The following REG4 variants were observed in gnomAD, a reference collection of about 807,000 sequenced individuals.
REG4 encodes regenerating islet-derived protein 4.
Under a neutral mutation model 22.3 loss-of-function variants are expected in REG4, and 16 were observed. That is an observed-to-expected ratio of 0.72 (90% CI 0.49 to 1.09). The LOEUF (loss-of-function observed/expected upper bound fraction) is 1.09. Ranked by LOEUF, REG4 falls within the 50% of genes least tolerant of loss-of-function variation. REG4 has a pLI of 0.00. For synonymous variants in REG4, 71 were observed against 69.2 expected (o/e 1.03, Z -0.13); for missense variants, 214 against 193.9 (o/e 1.10, Z -0.61).
At chr1:119,805,884 T>C (rs932331345) in intron 2 of REG4, among the ~76,000 whole-genome samples, 1 of 152,054 alleles carries the variant, frequency 6.6e-6, no homozygotes, top group Non-Finnish European at 1.5e-5. Flanking sequence ...CGTGAGCTCC[T>C]TGGTGGAGAC....
rs749947655 is a variant in REG4 at position 119,799,795 on chromosome 1, G to A, written c.233C>T (p.Thr78Ile). ...ASILSLKEAS[T>I]IAEYISGYQR... ...ATAGCCACTTATGTACTCTGCTATG[G>A]TGCTGGCTTCCTTTAAACTCAGGAT... The change falls in exon 4 of 6, where the codon ACC (threonine) becomes ATC (isoleucine). Residue 78 changes from threonine to isoleucine, a missense_variant. Thr to Ile is a moderately conservative substitution (Grantham distance 89). Transcript: ENST00000256585. 2 of 1,614,040 alleles carry A rather than the reference G, an allele frequency of 1.2e-6. No homozygotes were observed. The highest frequency in any genetic ancestry group is 3.3e-5 in the Admixed American group (2 of 60,010).
intron 5 of REG4, among the ~76,000 whole-genome samples, chr1:119,797,516 G>C (rs968684302): frequency 6.6e-6 from 1 of 152,158 alleles, no homozygotes; most frequent in Non-Finnish European, 1.5e-5. Context: ...CCCTACCCCA[G>C]CCCAATAGCT....
chr1:119,795,281 A>C (rs868261803), intron 5 of REG4, among the ~76,000 whole-genome samples: 7 of 152,192 alleles, frequency 4.6e-5, no homozygotes, highest in Admixed American at 1.3e-4. Context: ...GGTTGACATG[A>C]ATCAACTGAG....
chr1:119,802,762 T>G, intron 3 of REG4: 1 of 1,450,422 alleles, frequency 6.9e-7, no homozygotes, highest in Non-Finnish European at 9.1e-7. Flanking sequence ...CTTCTCTTCC[T>G]CCTTTGATTG....
intron 2 of REG4, among the ~76,000 whole-genome samples, chr1:119,807,103 C>G (rs1195755720): frequency 6.6e-6 from 1 of 152,222 alleles, no homozygotes; most frequent in Non-Finnish European, 1.5e-5. Context: ...TGCTCTATGT[C>G]TCTCCACTCA....
At chr1:119,804,292 C>T (rs935562399) in intron 2 of REG4, among the ~76,000 whole-genome samples, 2 of 152,218 alleles carry the variant, frequency 1.3e-5, no homozygotes, top group Non-Finnish European at 2.9e-5. Flanking sequence ...TCAGCCCCTG[C>T]CTATGCATCT....
At position 119,798,641 on chromosome 1, in the gene REG4, A is replaced by C. The variant is rs587759349; in HGVS notation, c.304-39T>G. 2.9e-5 allele frequency: 45 copies of C among 1,538,946 alleles called. No homozygotes were observed. In the East Asian group the frequency reaches 3.1e-4, roughly 11 times the overall value. ...AGATGGAGAAGTGTACAGCTCAGCAACCCACCTGCCACAGCCAAGGAAGTC... is the reference window on the plus strand; with the variant it reads ...AGATGGAGAAGTGTACAGCTCAGCACCCCACCTGCCACAGCCAAGGAAGTC... On this transcript the variant is annotated intron_variant, in intron 4 of 5. Coordinates refer to ENST00000256585, the MANE Select transcript of REG4 (RefSeq NM_032044.4).
intron 2 of REG4, 99 bp from the exon 3 acceptor site, chr1:119,803,264 A>T: frequency 1.5e-6 from 2 of 1,292,320 alleles, no homozygotes; most frequent in South Asian, 3.5e-5. Flanking sequence ...GAATGAAGAG[A>T]GTCCCTTCAT....
intron 2 of REG4, among the ~76,000 whole-genome samples, chr1:119,803,764 A>G (rs1316410492): frequency 1.3e-5 from 2 of 152,144 alleles, no homozygotes; most frequent in Non-Finnish European, 2.9e-5. Context: ...GGCTTGGGAG[A>G]CAAGGGAAGG....
chr1:119,797,353 C>T (rs1252086020), intron 5 of REG4, among the ~76,000 whole-genome samples: 1 of 152,226 alleles, frequency 6.6e-6, no homozygotes, highest in Non-Finnish European at 1.5e-5. Context: ...GGCTGTTTAT[C>T]TCTGAGGGCT....
intron 3 of REG4, 25 bp downstream of exon 3, chr1:119,803,043 G>A: frequency 6.2e-7 from 1 of 1,610,418 alleles, no homozygotes; most frequent in Non-Finnish European, 8.5e-7. Context: ...GAAAGGCCAG[G>A]CCAAGCAGGC....
intron 3 of REG4, among the ~76,000 whole-genome samples, chr1:119,800,672 G>C (rs1210393348): frequency 6.6e-6 from 1 of 152,142 alleles, no homozygotes; most frequent in South Asian, 2.1e-4. Context: ...GTAAACAGTG[G>C]TCTGTAACTT....
intron 2 of REG4, among the ~76,000 whole-genome samples, chr1:119,808,104 C>T (rs1036055213): frequency 6.6e-6 from 1 of 152,248 alleles, no homozygotes; most frequent in South Asian, 2.1e-4. Flanking sequence ...AAAGACATTA[C>T]ACCAGATGAG....
At chr1:119,804,690 GC>G (rs1163107561) in intron 2 of REG4, among the ~76,000 whole-genome samples, 1 of 152,156 alleles carries the variant, frequency 6.6e-6, no homozygotes, top group Non-Finnish European at 1.5e-5. Flanking sequence ...ACTGTCACTA[GC>G]TTTTGTAAAT....
chr1:119,798,191 T>C (rs1653987359), intron 5 of REG4, among the ~76,000 whole-genome samples: 1 of 152,204 alleles, frequency 6.6e-6, no homozygotes, highest in Admixed American at 6.5e-5. Context: ...TATATATCCC[T>C]CTCATGGTAT....
rs587719394 is a variant in REG4, at chr1:119,797,423, C to T, written c.409+1074G>A. Reference sequence around the variant, plus strand: ...GCCTCATGCTGTTAGAAAGTTTTCTCACTCTCTCTTTCCTTCTTATAAGTT... The same window carrying T: ...GCCTCATGCTGTTAGAAAGTTTTCTTACTCTCTCTTTCCTTCTTATAAGTT... On this transcript the variant is annotated intron_variant, in intron 5 of 5. Coordinates refer to ENST00000256585, the MANE Select transcript of REG4 (RefSeq NM_032044.4). 3.3e-5 allele frequency among the ~76,000 whole-genome samples: 5 copies of T among 152,170 alleles called. No individual in the cohort carries two copies. The South Asian group carries it at 1.0e-3, about 32-fold the overall frequency.
chr1:119,803,209 C>T, intron 2 of REG4, 44 bp from the exon 3 acceptor site: 1 of 1,490,362 alleles, frequency 6.7e-7, no homozygotes, highest in Non-Finnish European at 8.9e-7. Context: ...ATAGCAAAAA[C>T]AATCAATTCC....
intron 5 of REG4, among the ~76,000 whole-genome samples, chr1:119,797,501 T>TC (rs1324464890): frequency 6.6e-6 from 1 of 152,122 alleles, no homozygotes; most frequent in Admixed American, 6.6e-5. Flanking sequence ...GATGACCAAG[T>TC]CCCTCCCTAC....
chr1:119,798,588 C>T lies in REG4; in HGVS notation c.318G>A (p.Gln106=). Residue 106 remains glutamine, a synonymous_variant, in exon 5 of 6, where the codon CAG becomes CAA. Transcript: ENST00000256585. ...ACAGATACATGGCCCCATCAATCCA[C>T]TGCCACTGCTGCCTCTGCAACAACA... is the stretch of plus-strand genomic sequence containing the variant. ...LHDPQKRQQW[Q]WIDGAMYLYR... is the part of the protein sequence containing the mutation. The T allele has an allele frequency of 1.2e-6, 2 of 1,614,164 alleles. No homozygotes were observed. The highest frequency in any genetic ancestry group is 1.7e-6 in the Non-Finnish European group (2 of 1,179,978).
Sources: allele counts gnomAD v4.1 joint callset (sites outside exome capture counted in the v4.1 genomes callset), GRCh38; gene constraint gnomAD v4.1.1; transcripts MANE v1.5; gene names NCBI Gene and HGNC (gene_info 2026-07-23, HGNC 2026-07-21).